The following TCAF1 variants were observed in gnomAD, a reference collection of about 807,000 sequenced individuals.
The protein encoded by TCAF1 is TRPM8 channel associated factor 1, also known as TRPM8 channel-associated factor 1.
In TCAF1, 4 loss-of-function variants were observed where a neutral mutation model predicts 27.3. The ratio of observed to expected loss-of-function variants is 0.15; its 90% confidence interval spans 0.07 to 0.34. TCAF1 has a LOEUF of 0.34. Among genes scored for constraint, TCAF1 ranks in the 10% least tolerant of loss-of-function variants. The pLI is 1.00. For missense variants in TCAF1, 257 were observed against 425.8 expected (o/e 0.60, Z 3.49); for synonymous variants, 105 against 167.1 (o/e 0.63, Z 2.87).
At chr7:143,882,193 A>ACACACACACACACACACAC (rs1813072692) in intron 1 of TCAF1, 1 of 150,146 alleles carries the variant, frequency 6.7e-6, no homozygotes, top group African/African-American at 2.6e-5. Flanking sequence ...CATGCGCGTA[A>ACACACACACACACACACAC]ACACACACAC....
Position 143,852,615 on chromosome 7 carries a change from G to A in TCAF1, c.*1518C>T, listed in dbSNP as rs1349265183. 1.6e-4 allele frequency: 25 copies of A among 152,634 alleles called. No homozygotes were observed. Among genetic ancestry groups the A allele is most frequent in the African/African-American group, 5.8e-4 (24 of 41,590 alleles). 9.5% of individuals were successfully genotyped at this position (152,634 alleles called of 1,614,324 possible). A position where few individuals can be genotyped will look rare whatever the true frequency, so the allele number is the denominator to read the frequency against. ...ACAAAAATTTTCCTTAAGCTCTGAAGATGTTGATCCATTGACTTCTGGCAT... is the reference window on the plus strand; with the variant it reads ...ACAAAAATTTTCCTTAAGCTCTGAAAATGTTGATCCATTGACTTCTGGCAT... On this transcript the variant is annotated 3_prime_UTR_variant, in exon 9 of 9. Transcript: ENST00000479870.
intron 1 of TCAF1, among the ~76,000 whole-genome samples, chr7:143,889,283 T>C (rs1813544793): frequency 1.3e-5 from 2 of 152,180 alleles, no homozygotes; most frequent in South Asian, 2.1e-4. Flanking sequence ...TCCAGAGATC[T>C]TGAAAGACAC....
At chr7:143,886,043 A>G (rs1345024003) in intron 1 of TCAF1, among the ~76,000 whole-genome samples, 1 of 152,226 alleles carries the variant, frequency 6.6e-6, no homozygotes, top group African/African-American at 2.4e-5. Flanking sequence ...ATGTTATTTG[A>G]GTGGAACACG....
At position 143,876,456 on chromosome 7, in the gene TCAF1, G is replaced by T. The variant is rs765812674; in HGVS notation, c.153C>A (p.Ala51=). 1 of 1,607,758 alleles carries T rather than the reference G, an allele frequency of 6.2e-7. No individual in the cohort carries two copies. Residue 51 remains alanine, a synonymous_variant, in exon 2 of 9, where the codon GCC becomes GCA. Coordinates refer to ENST00000479870, the MANE Select transcript of TCAF1 (RefSeq NM_014719.3). ...CCAGGCGGCCACGGCCATAGGAGGA[G>T]GCAGCAATGAGGACCTGGCCCATGT... ...VNDMGQVLIA[A]SSYGRGRLVV...
intron 1 of TCAF1, among the ~76,000 whole-genome samples, chr7:143,886,700 C>CTTTTT (rs11398264): frequency 4.6e-4 from 41 of 89,160 alleles, no homozygotes; most frequent in African/African-American, 1.0e-3. Context: ...CAAATTTTAC[C>CTTTTT]TTTTTTTTTT....
At chr7:143,886,312 C>T (rs748163858) in intron 1 of TCAF1, among the ~76,000 whole-genome samples, 1 of 152,160 alleles carries the variant, frequency 6.6e-6, no homozygotes, top group Non-Finnish European at 1.5e-5. Flanking sequence ...CTGGAAGAGA[C>T]CATCACAAAG....
intron 1 of TCAF1, among the ~76,000 whole-genome samples, chr7:143,887,478 C>A (rs1229922036): frequency 6.6e-6 from 1 of 152,102 alleles, no homozygotes. Flanking sequence ...TCTTTAGACA[C>A]TTTGGATTTT....
chr7:143,884,973 C>T lies in TCAF1; in HGVS notation c.-14-8351G>A, dbSNP rs1346966307. 4.1e-6 allele frequency: 4 copies of T among 985,024 alleles called. No individual in the cohort carries two copies. The African/African-American group carries it at 7.0e-5, about 17-fold the overall frequency. 61.0% of individuals were successfully genotyped at this position (985,024 alleles called of 1,614,324 possible). ...CAGCAATGGAGAAAGCGCAGGCAACCCTTTTTGAAAGACATCTACCTCCCT... is the reference window on the plus strand; with the variant it reads ...CAGCAATGGAGAAAGCGCAGGCAACTCTTTTTGAAAGACATCTACCTCCCT... On this transcript the variant is annotated intron_variant, in intron 1 of 8. Coordinates refer to ENST00000479870, the MANE Select transcript of TCAF1 (RefSeq NM_014719.3).
At chr7:143,892,690 T>C (rs1040890486) in intron 1 of TCAF1, among the ~76,000 whole-genome samples, 16 of 152,118 alleles carry the variant, frequency 1.1e-4, no homozygotes, top group African/African-American at 3.6e-4. Flanking sequence ...ATGTTGAAAT[T>C]CTAACCCCCA....
At chr7:143,885,495 C>T (rs1586787995) in intron 1 of TCAF1, 16 of 985,390 alleles carry the variant, frequency 1.6e-5, no homozygotes, top group Non-Finnish European at 1.9e-5. Context: ...GCCCCAGATC[C>T]GGGATGGAGA....
chr7:143,900,896 A>G (rs1814084530), intron 1 of TCAF1, among the ~76,000 whole-genome samples: 1 of 152,224 alleles, frequency 6.6e-6, no homozygotes, highest in African/African-American at 2.4e-5. Context: ...AATGTCATTA[A>G]TATAATGTCA....
At chr7:143,874,940 G>C (rs1462982479) in intron 2 of TCAF1, among the ~76,000 whole-genome samples, 1 of 152,180 alleles carries the variant, frequency 6.6e-6, no homozygotes, top group Non-Finnish European at 1.5e-5. Context: ...TGAATGAACA[G>C]AGAGTTTGAA....
In TCAF1 at chr7:143,890,508, C is replaced by T. The variant is rs577258279; in HGVS notation, c.-15+11453G>A. On this transcript the variant is annotated intron_variant, in intron 1 of 8. Transcript: ENST00000479870. ...CCCTCATATCTTTGGAATAATCCTC[C>T]CATTGGAAACAATAATAAAAGCTCA... is the stretch of plus-strand genomic sequence containing the variant. 4.6e-5 allele frequency among the ~76,000 whole-genome samples: 7 copies of T among 152,256 alleles called. No homozygotes were observed. The South Asian group carries it at 1.4e-3, about 32-fold the overall frequency.
Position 143,860,019 on chromosome 7 carries a change from AT to A in TCAF1, c.2167+188del, listed in dbSNP as rs1563212144. 2.3e-3 allele frequency among the ~76,000 whole-genome samples: 107 copies of A among 47,424 alleles called. 7 individuals are homozygous for A. Among genetic ancestry groups the A allele is most frequent in the African/African-American group, 8.2e-3 (100 of 12,138 alleles). 31.1% of individuals were successfully genotyped at this position (47,424 alleles called of 152,430 possible). On this transcript the variant is annotated intron_variant, in intron 6 of 8. Transcript: ENST00000479870. ...ATTATATAATATATATATAATATAT[AT>A]TATATATTATATATATAATATATAA...
chr7:143,878,048 G>A (rs917414716), intron 1 of TCAF1, among the ~76,000 whole-genome samples: 5 of 152,066 alleles, frequency 3.3e-5, no homozygotes, highest in African/African-American at 1.2e-4. Flanking sequence ...TGTGAGACGC[G>A]GACAACACAT....
chr7:143,876,038 T>C lies in TCAF1; in HGVS notation c.571A>G (p.Ser191Gly), dbSNP rs1338995118. ...IYFTDNKGDT[S>G]FFKVSKKMPK... is the part of the protein sequence containing the mutation. The stretch of plus-strand genomic sequence containing the variant: ...ATCTTCTTGGAGACTTTAAAGAAAC[T>C]CGTGTCCCCTTTGTTGTCAGTAAAG... The change falls in exon 2 of 9, where the codon AGT (serine) becomes GGT (glycine). Residue 191 changes from serine to glycine, a missense_variant. By Grantham distance (56) the Ser-to-Gly change is moderately conservative. This residue lies in a region of TCAF1 where 255 missense variants were observed against 260.1 expected (regional missense o/e 0.98). Coordinates refer to ENST00000479870, the MANE Select transcript of TCAF1 (RefSeq NM_014719.3). The C allele has an allele frequency of 1.9e-6, 3 of 1,591,472 alleles. 1 individual carries two copies. In the South Asian group the frequency reaches 3.4e-5, roughly 18 times the overall value.
intron 1 of TCAF1, among the ~76,000 whole-genome samples, chr7:143,897,131 A>AATATATATATATATATATAT (rs5888117): frequency 2.5e-5 from 2 of 80,384 alleles, no homozygotes; most frequent in African/African-American, 4.0e-5. Context: ...GTTAATCTTG[A>AATATATATATATATATATAT]ATATATATAT....
intron 1 of TCAF1, chr7:143,886,495 C>G: frequency 1.0e-6 from 1 of 984,860 alleles, no homozygotes; most frequent in Non-Finnish European, 1.2e-6. Context: ...TTCTATTCCC[C>G]ACTTCAACTA....
At chr7:143,890,413 C>T (rs1813590687) in intron 1 of TCAF1, among the ~76,000 whole-genome samples, 1 of 152,124 alleles carries the variant, frequency 6.6e-6, no homozygotes, top group African/African-American at 2.4e-5. Context: ...CTTGAAGGGG[C>T]TTATGTTGAG....
Sources: gnomAD v4.1 joint callset for allele counts (sites outside exome capture counted in the v4.1 genomes callset) on GRCh38, gnomAD v4.1.1 for gene constraint, gnomAD v4.1.1 regional missense constraint, MANE v1.5 for transcripts, NCBI Gene and HGNC (gene_info 2026-07-23, HGNC 2026-07-21) for gene names.